HYCC1: variants seen among roughly 807,000 people sequenced by gnomAD.
HYCC1 encodes hyccin.
At chr7:22,959,216 T>C in the HYCC1 span, among the ~76,000 whole-genome samples, 1 of 152,160 alleles carries the variant, frequency 6.6e-6, no homozygotes, top group Admixed American at 6.6e-5. Flanking sequence ...AAATGATCAC[T>C]AGGTAAGCTG....
At chr7:22,946,873 G>A in the HYCC1 span, 1 of 1,135,646 alleles carries the variant, frequency 8.8e-7, no homozygotes, top group Non-Finnish European at 1.2e-6. Flanking sequence ...TCATGCATTT[G>A]GATTAGATTA....
chr7:22,932,493 C>A, the HYCC1 span, among the ~76,000 whole-genome samples: 1 of 152,136 alleles, frequency 6.6e-6, no homozygotes, highest in Non-Finnish European at 1.5e-5. Context: ...GGAAATATCT[C>A]TCTTATGTTT....
chr7:22,984,483 G>A, the HYCC1 span, among the ~76,000 whole-genome samples: 1 of 152,110 alleles, frequency 6.6e-6, no homozygotes, highest in Middle Eastern at 3.2e-3. Context: ...ACTTTGGGAG[G>A]CTGAAGCAGG....
the HYCC1 span, among the ~76,000 whole-genome samples, chr7:22,966,965 C>CAA: frequency 6.6e-6 from 1 of 152,134 alleles, no homozygotes; most frequent in East Asian, 1.9e-4. Flanking sequence ...TCCTGTTACT[C>CAA]TTATTAACTA....
chr7:22,947,697 G>A, the HYCC1 span, among the ~76,000 whole-genome samples: 2 of 151,518 alleles, frequency 1.3e-5, no homozygotes, highest in African/African-American at 4.9e-5. Flanking sequence ...TCAACATTAG[G>A]AACCAAGCCA....
chr7:22,968,432 G>C, the HYCC1 span, among the ~76,000 whole-genome samples: 1 of 152,152 alleles, frequency 6.6e-6, no homozygotes, highest in African/African-American at 2.4e-5. Flanking sequence ...GAACACATTG[G>C]AAACATAAGC....
At chr7:22,992,084 A>G in the HYCC1 span, among the ~76,000 whole-genome samples, 1 of 151,996 alleles carries the variant, frequency 6.6e-6, no homozygotes, top group East Asian at 1.9e-4. Flanking sequence ...ATGCAAATAA[A>G]AGCAGTTATT....
chr7:22,984,091 G>T, the HYCC1 span: 4 of 1,146,656 alleles, frequency 3.5e-6, no homozygotes, highest in Non-Finnish European at 5.2e-6. Context: ...GAAATGTCCA[G>T]AATAGGCAAA....
the HYCC1 span, among the ~76,000 whole-genome samples, chr7:22,947,924 G>A: frequency 6.6e-6 from 1 of 152,008 alleles, no homozygotes. Flanking sequence ...GATTTATTCA[G>A]ACTCATACCA....
At chr7:22,962,151 C>T in the HYCC1 span, among the ~76,000 whole-genome samples, 1 of 152,132 alleles carries the variant, frequency 6.6e-6, no homozygotes, top group East Asian at 1.9e-4. Context: ...ATAGCCGGAA[C>T]CCTAAAGGGA....
the HYCC1 span, among the ~76,000 whole-genome samples, chr7:22,980,605 G>A: frequency 6.6e-6 from 1 of 152,306 alleles, no homozygotes; most frequent in South Asian, 2.1e-4. Flanking sequence ...CAGGAAAAGA[G>A]TCAAGTTTTG....
At chr7:22,983,242 T>A in the HYCC1 span, among the ~76,000 whole-genome samples, 1 of 150,702 alleles carries the variant, frequency 6.6e-6, no homozygotes, top group Non-Finnish European at 1.5e-5. Context: ...GGTGGGAGGA[T>A]CGCTTGAACC....
the HYCC1 span, among the ~76,000 whole-genome samples, chr7:22,987,063 A>G: frequency 6.6e-6 from 1 of 152,242 alleles, no homozygotes; most frequent in East Asian, 1.9e-4. Flanking sequence ...ATTGAGATTC[A>G]GCAACTATCA....
At chr7:22,993,807 G>A in the HYCC1 span, among the ~76,000 whole-genome samples, 1 of 152,216 alleles carries the variant, frequency 6.6e-6, no homozygotes, top group East Asian at 1.9e-4. Context: ...TAATGTGAAT[G>A]CAAATTGGTA....
At chr7:22,947,360 G>A in the HYCC1 span, 1 of 791,060 alleles carries the variant, frequency 1.3e-6, no homozygotes, top group Admixed American at 2.6e-5. Context: ...TATGAATTAA[G>A]CCAAATATTT....
chr7:22,910,007 CTGTT>C, the HYCC1 span, among the ~76,000 whole-genome samples: 4 of 152,142 alleles, frequency 2.6e-5, no homozygotes, highest in African/African-American at 9.7e-5. Flanking sequence ...ACGGACATGA[CTGTT>C]TGAAATAAAG....
the HYCC1 span, among the ~76,000 whole-genome samples, chr7:22,924,756 G>A: frequency 5.9e-5 from 9 of 152,260 alleles, no homozygotes; most frequent in Admixed American, 5.9e-4. Context: ...ACCTCTGGGG[G>A]CAGGGCACAG....
chr7:22,983,948 C>T, the HYCC1 span: 24 of 1,567,334 alleles, frequency 1.5e-5, no homozygotes, highest in Non-Finnish European at 1.8e-6. Flanking sequence ...ACTTACCTCA[C>T]TTTGTGGCTC....
chr7:22,975,193 T>C, the HYCC1 span, among the ~76,000 whole-genome samples: 1 of 133,170 alleles, frequency 7.5e-6, no homozygotes, highest in Non-Finnish European at 1.7e-5. Flanking sequence ...AGGGGAATAA[T>C]CTGTCATTTT....
Sources: gnomAD v4.1 joint callset for allele counts (sites outside exome capture counted in the v4.1 genomes callset) on GRCh38, gnomAD v4.1.1 for gene constraint, MANE v1.5 for transcripts, NCBI Gene and HGNC (gene_info 2026-07-23, HGNC 2026-07-21) for gene names.